AEBP2: variants seen among roughly 807,000 people sequenced by gnomAD.
AEBP2 encodes the protein AE binding protein 2.
Under a neutral mutation model 50.8 loss-of-function variants are expected in AEBP2, and 10 were observed. That is an observed-to-expected ratio of 0.20 (90% confidence interval 0.12 to 0.33). AEBP2 has a LOEUF of 0.33. AEBP2 is among the 10% of genes least tolerant of loss of function. AEBP2 has a pLI of 1.00. For missense variants in AEBP2, 570 were observed against 688.0 expected, an observed-to-expected ratio of 0.83 and a Z score of 1.92; for synonymous variants, 296 against 261.3, an observed-to-expected ratio of 1.13 and a Z score of -1.28.
chr12:19,486,794 CTTTCT>C (rs760912356), intron 3 of AEBP2, among the ~76,000 whole-genome samples: 43 of 151,336 alleles, frequency 2.8e-4, no homozygotes, highest in Admixed American at 7.3e-4. Flanking sequence ...ACTACCAGTC[CTTTCT>C]TTTCTTTTCT....
At chr12:19,439,333 G>C (rs1947895792), upstream of AEBP2, among the ~76,000 whole-genome samples, 1 of 151,366 alleles carries the variant, frequency 6.6e-6, no homozygotes, top group Admixed American at 6.6e-5. Flanking sequence ...AAGCCCGGCA[G>C]GGCGTGGGAA....
At chr12:19,415,174 CATG>C (rs2153363693) in intron 1 of AEBP2, among the ~76,000 whole-genome samples, 1 of 147,230 alleles carries the variant, frequency 6.8e-6, no homozygotes, top group Admixed American at 6.8e-5. Flanking sequence ...ATTAGCCTGG[CATG>C]GTGGTGGGCA....
intron 3 of AEBP2, among the ~76,000 whole-genome samples, chr12:19,475,266 C>T (rs1486901989): frequency 6.9e-6 from 1 of 144,870 alleles, no homozygotes; most frequent in East Asian, 2.3e-4. Context: ...TCTATTATAT[C>T]ATTCTTATGC....
chr12:19,490,518 A>G (rs1460765024), intron 3 of AEBP2, among the ~76,000 whole-genome samples: 2 of 151,570 alleles, frequency 1.3e-5, no homozygotes, highest in Admixed American at 6.6e-5. Flanking sequence ...GCTGGGTTAC[A>G]GGCTTGTGCC....
Position 19,439,558 on chromosome 12 carries a change from C to G in AEBP2, c.-142C>G, listed in dbSNP as rs1311370371. On this transcript the variant is annotated 5_prime_UTR_variant, in exon 1 of 8. Coordinates refer to ENST00000266508, the MANE Select transcript of AEBP2 (RefSeq NM_153207.5). ...GCGGGCTCCGTAGCGCGTGTGCAGG[C>G]TGACGCAGCTCGCGGGCCCTCCTCC... The G allele has an allele frequency of 8.8e-7, 1 of 1,135,412 alleles. No individual in the cohort carries two copies. The highest frequency in any genetic ancestry group is 1.7e-5 in the African/African-American group (1 of 60,414). The allele number at this position is 1,135,412 out of a possible 1,614,324, so 70.3% of individuals were successfully genotyped here.
intron 6 of AEBP2, among the ~76,000 whole-genome samples, chr12:19,512,666 C>G (rs1362395102): frequency 6.7e-6 from 1 of 149,202 alleles, no homozygotes; most frequent in Non-Finnish European, 1.5e-5. Context: ...TTAAGCCCCC[C>G]CTCTTTTTTT....
At chr12:19,453,891 G>A (rs1948212613) in intron 1 of AEBP2, among the ~76,000 whole-genome samples, 1 of 149,992 alleles carries the variant, frequency 6.7e-6, no homozygotes, top group African/African-American at 2.5e-5. Flanking sequence ...CCACCTCCAC[G>A]GCTCAAGTGA....
chr12:19,434,993 T>A (rs185133340), upstream of AEBP2, among the ~76,000 whole-genome samples: 1 of 152,334 alleles, frequency 6.6e-6, no homozygotes, highest in African/African-American at 2.4e-5. Flanking sequence ...TTGACACTTT[T>A]TTTTTCCCTT....
chr12:19,472,830 A>C (rs1948591053), intron 2 of AEBP2, among the ~76,000 whole-genome samples: 1 of 152,188 alleles, frequency 6.6e-6, no homozygotes, highest in South Asian at 2.1e-4. Flanking sequence ...TAATTTTTTT[A>C]TACCTTTAAA....
At chr12:19,442,491 G>C (rs1409812748) in intron 1 of AEBP2, among the ~76,000 whole-genome samples, 1 of 152,172 alleles carries the variant, frequency 6.6e-6, no homozygotes, top group African/African-American at 2.4e-5. Context: ...CGAATTATTG[G>C]TTAAGTACAT....
At chr12:19,426,110 A>AT (rs1265386385) in intron 1 of AEBP2, among the ~76,000 whole-genome samples, 1 of 151,930 alleles carries the variant, frequency 6.6e-6, no homozygotes, top group Non-Finnish European at 1.5e-5. Context: ...TAATTTTTAT[A>AT]TTTTTTGTAG....
intron 1 of AEBP2, chr12:19,457,252 GAGATACC>G: frequency 6.3e-7 from 1 of 1,595,120 alleles, no homozygotes; most frequent in Non-Finnish European, 8.5e-7. Flanking sequence ...TCCATTCTTG[GAGATACC>G]AGCTTCAAAT....
intron 4 of AEBP2, among the ~76,000 whole-genome samples, chr12:19,494,345 T>C (rs527406542): frequency 6.6e-6 from 1 of 152,024 alleles, no homozygotes; most frequent in East Asian, 1.9e-4. Context: ...TCCAAAGTAG[T>C]GTGTGTACCT....
At chr12:19,431,264 T>A (rs543673666) in intron 1 of AEBP2, among the ~76,000 whole-genome samples, 1 of 152,338 alleles carries the variant, frequency 6.6e-6, no homozygotes, top group Admixed American at 6.5e-5. Flanking sequence ...TTATTTTATA[T>A]TTCACTTATT....
chr12:19,501,816 T>TTTTTC (rs1949085632), intron 5 of AEBP2, among the ~76,000 whole-genome samples: 1 of 143,538 alleles, frequency 7.0e-6, no homozygotes, highest in Non-Finnish European at 1.5e-5. Context: ...TTTTTTTTTT[T>TTTTTC]TGCATTTTCA....
In AEBP2 at chr12:19,521,808, A is replaced by G. The variant is rs1416980509; in HGVS notation, c.*3691A>G. 6.6e-6 allele frequency: 1 copy of G among 152,086 alleles called. No homozygotes were observed. Among genetic ancestry groups the G allele is most frequent in the Non-Finnish European group, 1.5e-5 (1 of 67,992 alleles). The allele number at this position is 152,086 out of a possible 1,614,324, so 9.4% of individuals were successfully genotyped here. ...TTTTTATTTTTTCTTTGAATTCTTA[A>G]TTCATGGTGAACAGATGTTGGGTTC... On this transcript the variant is annotated 3_prime_UTR_variant, in exon 8 of 8. Coordinates refer to ENST00000266508, the MANE Select transcript of AEBP2 (RefSeq NM_153207.5).
chr12:19,504,987 C>G (rs186521481), intron 5 of AEBP2, among the ~76,000 whole-genome samples: 4 of 152,076 alleles, frequency 2.6e-5, no homozygotes, highest in African/African-American at 9.7e-5. Flanking sequence ...TTGGAAGACA[C>G]AAGAGACATG....
At chr12:19,413,434 G>A in intron 1 of AEBP2, 1 of 1,120,536 alleles carries the variant, frequency 8.9e-7, no homozygotes, top group African/African-American at 1.5e-5. Flanking sequence ...AAAAGTAATG[G>A]ACTCTGATGA....
intron 1 of AEBP2, among the ~76,000 whole-genome samples, chr12:19,432,188 G>A (rs1476492551): frequency 6.6e-6 from 1 of 152,148 alleles, no homozygotes; most frequent in Non-Finnish European, 1.5e-5. Context: ...CAAATGCAGC[G>A]TGGGGTAGCT....
Sources: gnomAD v4.1 joint callset for allele counts (sites outside exome capture counted in the v4.1 genomes callset) on GRCh38, gnomAD v4.1.1 for gene constraint, MANE v1.5 for transcripts, NCBI Gene and HGNC (gene_info 2026-07-23, HGNC 2026-07-21) for gene names.